The following KCNH1 variants were observed in gnomAD, a reference collection of about 807,000 sequenced individuals.
The protein encoded by KCNH1 is potassium voltage-gated channel subfamily H member 1.
In KCNH1, 27 loss-of-function variants were observed where a neutral mutation model predicts 69.2. That is an observed-to-expected ratio of 0.39 (90% confidence interval 0.29 to 0.54). The LOEUF is 0.54. KCNH1 is among the 20% of genes least tolerant of loss of function. The pLI is 0.68. For missense variants in KCNH1, 798 were observed against 1,261.6 expected (o/e 0.63, Z 5.57); for synonymous variants, 456 against 487.7 (o/e 0.93, Z 0.86).
At chr1:210,870,852 G>C (rs1019109283) in intron 7 of KCNH1, among the ~76,000 whole-genome samples, 1 of 152,136 alleles carries the variant, frequency 6.6e-6, no homozygotes, top group African/African-American at 2.4e-5. Context: ...TCGGCTTAAG[G>C]GTACATTATC....
At chr1:210,859,704 A>C in intron 7 of KCNH1, 1 of 1,234,392 alleles carries the variant, frequency 8.1e-7, no homozygotes, top group South Asian at 1.2e-5. Flanking sequence ...AAGCTGGCAA[A>C]ATCTGTCCAG....
intron 7 of KCNH1, among the ~76,000 whole-genome samples, chr1:210,820,127 T>C (rs2102425058): frequency 6.6e-6 from 1 of 152,356 alleles, no homozygotes; most frequent in South Asian, 2.1e-4. Flanking sequence ...TTGGGGTAGT[T>C]TTCACAGAGG....
chr1:210,752,902 T>C (rs1683310895), intron 10 of KCNH1, among the ~76,000 whole-genome samples: 1 of 152,116 alleles, frequency 6.6e-6, no homozygotes, highest in Non-Finnish European at 1.5e-5. Flanking sequence ...CCTGTGACTA[T>C]GTTCGTATAA....
At position 210,900,717 on chromosome 1, in the gene KCNH1, A is replaced by G. The variant is rs1350772467; in HGVS notation, c.1462+18923T>C. Reference sequence around the variant, plus strand: ...TGCTCACACAGCCCATCTCTTCTGCAGAGTGGCAGAAGAGCCACAATAATC... The same window carrying G: ...TGCTCACACAGCCCATCTCTTCTGCGGAGTGGCAGAAGAGCCACAATAATC... On this transcript the variant is annotated intron_variant, in intron 7 of 10. Coordinates refer to ENST00000271751, the MANE Select transcript of KCNH1 (RefSeq NM_172362.3). 1.3e-5 allele frequency among the ~76,000 whole-genome samples: 2 copies of G among 152,196 alleles called. 1 individual carries two copies. Among genetic ancestry groups the G allele is most frequent in the East Asian group, 3.9e-4 (2 of 5,186 alleles).
At chr1:210,938,678 CA>C (rs1238363738) in intron 6 of KCNH1, among the ~76,000 whole-genome samples, 2 of 152,200 alleles carry the variant, frequency 1.3e-5, no homozygotes, top group African/African-American at 4.8e-5. Context: ...TCTTCTATCT[CA>C]AACACTGTCA....
At chr1:210,738,049 A>G (rs901706098) in intron 10 of KCNH1, among the ~76,000 whole-genome samples, 5 of 152,182 alleles carry the variant, frequency 3.3e-5, no homozygotes, top group African/African-American at 1.2e-4. Flanking sequence ...TAGGCCCACA[A>G]GAATGAGTTT....
At chr1:210,788,362 A>T (rs1684142443) in intron 9 of KCNH1, among the ~76,000 whole-genome samples, 2 of 152,200 alleles carry the variant, frequency 1.3e-5, no homozygotes, top group Admixed American at 1.3e-4. Flanking sequence ...TATATTTGAA[A>T]CATTTTGCAT....
intron 1 of KCNH1, among the ~76,000 whole-genome samples, chr1:211,116,937 C>T (rs1691593557): frequency 6.6e-6 from 1 of 152,106 alleles, no homozygotes; most frequent in Non-Finnish European, 1.5e-5. Context: ...TCATTTGGCT[C>T]CTTCAGTCTT....
intron 10 of KCNH1, among the ~76,000 whole-genome samples, chr1:210,706,668 G>C (rs1334987181): frequency 1.3e-5 from 2 of 152,244 alleles, no homozygotes; most frequent in Non-Finnish European, 2.9e-5. Flanking sequence ...GAAATACTGG[G>C]AGCCAATTCT....
chr1:210,714,101 T>TATC (rs1191807217), intron 10 of KCNH1, among the ~76,000 whole-genome samples: 3 of 152,180 alleles, frequency 2.0e-5, no homozygotes, highest in African/African-American at 7.2e-5. Flanking sequence ...GGTCTTCTCC[T>TATC]ATCTAGAGAG....
intron 6 of KCNH1, among the ~76,000 whole-genome samples, chr1:210,972,846 C>T (rs1188313727): frequency 6.6e-6 from 1 of 150,592 alleles, no homozygotes; most frequent in Non-Finnish European, 1.5e-5. Context: ...ATAACAAATC[C>T]TTTCTACAAT....
intron 5 of KCNH1, among the ~76,000 whole-genome samples, chr1:211,027,999 A>G (rs1011674056): frequency 4.6e-5 from 7 of 152,166 alleles, no homozygotes; most frequent in African/African-American, 1.7e-4. Context: ...TTTAATCAAT[A>G]TTTATAGAAT....
chr1:210,686,965 T>G (rs746379167), intron 10 of KCNH1, among the ~76,000 whole-genome samples: 3 of 152,206 alleles, frequency 2.0e-5, no homozygotes, highest in Non-Finnish European at 4.4e-5. Context: ...ATTTGTGGAA[T>G]GTAGAACACA....
At chr1:211,108,396 G>GTT (rs1411999009) in intron 1 of KCNH1, 1 of 151,628 alleles carries the variant, frequency 6.6e-6, no homozygotes, top group African/African-American at 2.4e-5. Flanking sequence ...GTGTGTCTGT[G>GTT]TGTGTGTGTG....
intron 6 of KCNH1, among the ~76,000 whole-genome samples, chr1:210,952,152 G>A (rs1376932306): frequency 6.6e-6 from 1 of 152,032 alleles, no homozygotes; most frequent in Non-Finnish European, 1.5e-5. Flanking sequence ...TACTGCCCAG[G>A]CAATATCTAA....
intron 10 of KCNH1, among the ~76,000 whole-genome samples, chr1:210,749,741 A>C (rs17016856): frequency 0.023 from 2,586 of 112,076 alleles, 46 homozygotes; most frequent in East Asian, 0.11. Flanking sequence ...AAGGCTGCTC[A>C]CTTTTTTTTT....
At position 211,079,852 on chromosome 1, in the gene KCNH1, GCC is replaced by G. The variant is rs1553377667; in HGVS notation, c.558+2926_558+2927del. Reference sequence around the variant, plus strand: ...AAGAGCTATTTATGACAAACCCACAGCCAATATCATACTGAATGGGCAAAAAC... The same window carrying G: ...AAGAGCTATTTATGACAAACCCACAGAATATCATACTGAATGGGCAAAAAC... On this transcript the variant is annotated intron_variant, in intron 5 of 10. Coordinates refer to ENST00000271751, the MANE Select transcript of KCNH1 (RefSeq NM_172362.3). Among the ~76,000 whole-genome samples the G allele has an allele frequency of 7.6e-4, 115 of 152,282 alleles. 2 individuals carry two copies. In the South Asian group the frequency reaches 0.017, roughly 22 times the overall value.
intron 7 of KCNH1, among the ~76,000 whole-genome samples, chr1:210,885,921 A>G (rs1198185912): frequency 6.6e-6 from 1 of 152,152 alleles, no homozygotes; most frequent in Non-Finnish European, 1.5e-5. Context: ...AAACTCCCAT[A>G]TCCCTGGGAC....
chr1:211,120,701 C>T (rs1691669573), intron 1 of KCNH1, among the ~76,000 whole-genome samples: 1 of 151,950 alleles, frequency 6.6e-6, no homozygotes, highest in Non-Finnish European at 1.5e-5. Context: ...GGTAAGTTGG[C>T]TTTACATTTG....
Sources: gnomAD v4.1 joint callset for allele counts (sites outside exome capture counted in the v4.1 genomes callset) on GRCh38, gnomAD v4.1.1 for gene constraint, MANE v1.5 for transcripts, NCBI Gene and HGNC (gene_info 2026-07-23, HGNC 2026-07-21) for gene names.